Variants in FILIP1L observed in about 807,000 individuals in gnomAD.
FILIP1L encodes filamin A-interacting protein 1-like.
FILIP1L carries 55 observed loss-of-function variants against 96.6 expected under a neutral mutation model. The ratio of observed to expected loss-of-function variants is 0.57; its 90% CI spans 0.46 to 0.71. FILIP1L has a LOEUF of 0.71. FILIP1L is among the 30% of genes least tolerant of loss of function. The pLI is 0.00. For missense variants in FILIP1L, 1,304 were observed against 1,321.2 expected, an observed-to-expected ratio of 0.99 and a Z score of 0.20; for synonymous variants, 467 against 473.9, an observed-to-expected ratio of 0.99 and a Z score of 0.19.
chr3:99,843,387 AAAAAG>A (rs1943217835), intron 5 of FILIP1L, among the ~76,000 whole-genome samples: 1 of 152,132 alleles, frequency 6.6e-6, no homozygotes, highest in Non-Finnish European at 1.5e-5. Flanking sequence ...CCTTTTAAAT[AAAAAG>A]AAAACTTGGA....
chr3:100,046,300 T>G (rs1373877337), intron 1 of FILIP1L, among the ~76,000 whole-genome samples: 1 of 152,216 alleles, frequency 6.6e-6, no homozygotes, highest in Admixed American at 6.5e-5. Flanking sequence ...CACTCCTCCT[T>G]ATGCCTCAGA....
At chr3:99,940,264 G>T (rs372753165) in intron 1 of FILIP1L, among the ~76,000 whole-genome samples, 29 of 152,210 alleles carry the variant, frequency 1.9e-4, no homozygotes, top group African/African-American at 7.0e-4. Flanking sequence ...TCCAAGTTAG[G>T]TTTAAATGCA....
At chr3:99,895,246 T>C (rs1335317196) in intron 4 of FILIP1L, among the ~76,000 whole-genome samples, 1 of 152,186 alleles carries the variant, frequency 6.6e-6, no homozygotes, top group Non-Finnish European at 1.5e-5. Flanking sequence ...TAGCATGTTC[T>C]TTTAGGCAAC....
intron 1 of FILIP1L, among the ~76,000 whole-genome samples, chr3:99,950,623 ATGACTATCC>A (rs2107688199): frequency 6.6e-6 from 1 of 152,310 alleles, no homozygotes; most frequent in East Asian, 1.9e-4. Context: ...CCATGGCTGT[ATGACTATCC>A]CCACTCACCA....
In FILIP1L at chr3:100,106,804, C is replaced by T. The variant is rs146373765; in HGVS notation, c.-11+7249G>A. 2.8e-3 allele frequency among the ~76,000 whole-genome samples: 420 copies of T among 152,206 alleles called. 2 individuals are homozygous for T. The highest frequency in any genetic ancestry group is 9.5e-3 in the African/African-American group (395 of 41,524). On this transcript the variant is annotated intron_variant, in intron 1 of 5. Transcript: ENST00000477258. Reference sequence around the variant, plus strand: ...CTACTCCTAACCTAATGCCCTGATCCCTGTAGTATGTTTTCATATGTCTGG... The same window carrying T: ...CTACTCCTAACCTAATGCCCTGATCTCTGTAGTATGTTTTCATATGTCTGG...
chr3:99,866,693 G>C (rs912056144), intron 4 of FILIP1L, among the ~76,000 whole-genome samples: 2 of 152,152 alleles, frequency 1.3e-5, no homozygotes, highest in Non-Finnish European at 2.9e-5. Flanking sequence ...TAAATCATGA[G>C]CCACAGTGAG....
In FILIP1L at chr3:99,848,405, G is replaced by C. The variant is rs1246284660; in HGVS notation, c.3271C>G (p.Arg1091Gly). ...GCCCCGTTAATTAAGCCTTGAGTTC[G>C]GTTATCCTGCAGTGGTGCTGAAGGG... is the stretch of plus-strand genomic sequence containing the variant. Reference protein sequence around the residue: ...ASPSAPLQDNRTQGLINGALN... With the variant: ...ASPSAPLQDNGTQGLINGALN... Residue 1091 changes from arginine to glycine, a missense_variant, in exon 5 of 6, where the codon CGA becomes GGA. Physicochemically the swap from Arg to Gly is moderately radical, Grantham distance 125. Coordinates refer to ENST00000477258, the MANE Select transcript of FILIP1L (RefSeq NM_001387850.1). 1 of 1,614,126 alleles carries C rather than the reference G, an allele frequency of 6.2e-7. No individual in the cohort carries two copies. The highest frequency in any genetic ancestry group is 8.5e-7 in the Non-Finnish European group (1 of 1,180,004).
At chr3:99,881,877 A>G (rs1032308188) in intron 4 of FILIP1L, among the ~76,000 whole-genome samples, 5 of 152,160 alleles carry the variant, frequency 3.3e-5, no homozygotes, top group Non-Finnish European at 5.9e-5. Context: ...CCACTGACAG[A>G]TTTTCCCATG....
At chr3:99,932,573 A>G (rs1251530417) in intron 1 of FILIP1L, among the ~76,000 whole-genome samples, 1 of 152,172 alleles carries the variant, frequency 6.6e-6, no homozygotes, top group Non-Finnish European at 1.5e-5. Flanking sequence ...TCTGTCACAA[A>G]TCAGCTGTGG....
chr3:100,045,530 ACCT>A (rs1043037177), intron 1 of FILIP1L, among the ~76,000 whole-genome samples: 17 of 151,852 alleles, frequency 1.1e-4, no homozygotes, highest in African/African-American at 4.1e-4. Context: ...TCTCGCAAAC[ACCT>A]CCTATAATTC....
At chr3:100,068,350 C>CTGTGTG (rs62958661) in intron 1 of FILIP1L, among the ~76,000 whole-genome samples, 43 of 149,516 alleles carry the variant, frequency 2.9e-4, no homozygotes, top group African/African-American at 8.6e-4. Context: ...GAAAGAGCCT[C>CTGTGTG]TGTGTGTGTG....
chr3:99,887,017 A>G (rs1377529316), intron 4 of FILIP1L, among the ~76,000 whole-genome samples: 1 of 151,708 alleles, frequency 6.6e-6, no homozygotes, highest in African/African-American at 2.4e-5. Flanking sequence ...CATGCCTGTA[A>G]TCCCAGCACT....
chr3:99,851,847 C>T (rs1250453498), intron 4 of FILIP1L, among the ~76,000 whole-genome samples: 2 of 152,182 alleles, frequency 1.3e-5, no homozygotes, highest in Non-Finnish European at 2.9e-5. Context: ...ATCTTATCCT[C>T]ATAGTGGATA....
intron 1 of FILIP1L, among the ~76,000 whole-genome samples, chr3:99,990,712 C>A (rs1709486069): frequency 6.6e-6 from 1 of 151,754 alleles, no homozygotes; most frequent in South Asian, 2.1e-4. Flanking sequence ...AGTTGAAAAC[C>A]CATTTCCTAT....
intron 4 of FILIP1L, among the ~76,000 whole-genome samples, chr3:99,908,572 A>C (rs2107636143): frequency 6.6e-6 from 1 of 152,320 alleles, no homozygotes; most frequent in South Asian, 2.1e-4. Context: ...AGAGTCCTTG[A>C]GGCCTAATTC....
intron 1 of FILIP1L, among the ~76,000 whole-genome samples, chr3:99,938,639 T>G (rs1297912779): frequency 1.3e-5 from 2 of 152,220 alleles, no homozygotes; most frequent in Non-Finnish European, 2.9e-5. Context: ...GAAAGAGATG[T>G]ATTAAGATTA....
At chr3:100,059,456 T>C (rs1473670419) in intron 1 of FILIP1L, among the ~76,000 whole-genome samples, 1 of 152,176 alleles carries the variant, frequency 6.6e-6, no homozygotes, top group African/African-American at 2.4e-5. Flanking sequence ...TTCCTTTCAT[T>C]CAGGAAGCAT....
intron 1 of FILIP1L, among the ~76,000 whole-genome samples, chr3:99,983,121 C>T (rs971989832): frequency 6.6e-6 from 1 of 151,816 alleles, no homozygotes; most frequent in African/African-American, 2.4e-5. Flanking sequence ...AGTCTTTTTA[C>T]AGCTATTATC....
chr3:100,067,369 A>G (rs1411067631), intron 1 of FILIP1L, among the ~76,000 whole-genome samples: 1 of 152,218 alleles, frequency 6.6e-6, no homozygotes, highest in African/African-American at 2.4e-5. Context: ...GAAAGCAGGT[A>G]ACTAAGCACC....
Sources: gnomAD v4.1 joint callset for allele counts (sites outside exome capture counted in the v4.1 genomes callset) on GRCh38, gnomAD v4.1.1 for gene constraint, MANE v1.5 for transcripts, NCBI Gene and HGNC (gene_info 2026-07-23, HGNC 2026-07-21) for gene names.